PLEKHH2: variants seen among roughly 807,000 people sequenced by gnomAD.
The protein encoded by PLEKHH2 is pleckstrin homology domain-containing family H member 2.
PLEKHH2 carries 129 observed loss-of-function variants against 187.9 expected under a neutral mutation model. That is an observed-to-expected ratio of 0.69 (90% CI 0.59 to 0.79). The LOEUF is 0.79. Ranked by LOEUF, PLEKHH2 falls within the 30% of genes least tolerant of loss-of-function variation. PLEKHH2 has a pLI of 0.00. For synonymous variants in PLEKHH2, 686 were observed against 605.6 expected (o/e 1.13, Z -1.95); for missense variants, 2,076 against 1,751.2 (o/e 1.19, Z -3.31).
At chr2:43,751,541 G>C (rs1263114393) in intron 24 of PLEKHH2, among the ~76,000 whole-genome samples, 3 of 152,206 alleles carry the variant, frequency 2.0e-5, no homozygotes, top group African/African-American at 7.2e-5. Context: ...CAGTATATTT[G>C]CGTAGTGGTA....
intron 19 of PLEKHH2, among the ~76,000 whole-genome samples, chr2:43,732,097 C>G (rs1465218900): frequency 6.6e-6 from 1 of 152,202 alleles, no homozygotes; most frequent in Non-Finnish European, 1.5e-5. Flanking sequence ...GGTGTGGTGG[C>G]TTACTCCTGT....
chr2:43,645,453 T>C (rs1666138886), intron 2 of PLEKHH2, among the ~76,000 whole-genome samples: 2 of 152,174 alleles, frequency 1.3e-5, no homozygotes, highest in African/African-American at 4.8e-5. Flanking sequence ...CCCATATTCC[T>C]ATTTCCAGGG....
intron 2 of PLEKHH2, among the ~76,000 whole-genome samples, chr2:43,667,211 ACT>A (rs976518469): frequency 2.0e-4 from 31 of 151,776 alleles, no homozygotes; most frequent in Non-Finnish European, 4.6e-4. Context: ...TGTTGAAAAG[ACT>A]CTCTCCTCTC....
In PLEKHH2 at chr2:43,699,873, C is replaced by T; in HGVS notation, c.915C>T (p.Thr305=). 1.2e-6 allele frequency: 2 copies of T among 1,614,064 alleles called. No homozygotes were observed. The highest frequency in any genetic ancestry group is 1.7e-6 in the Non-Finnish European group (2 of 1,179,980). Residue 305 remains threonine (T), a synonymous_variant, in exon 8 of 30, where the codon ACC becomes ACT. Coordinates refer to ENST00000282406, the MANE Select transcript of PLEKHH2 (RefSeq NM_172069.4). ...GATCCAAGTCCAGATGCACATCCAC[C>T]CTCTCCAGTCACACATCTGAGGAAG... is the stretch of plus-strand genomic sequence containing the variant. ...KGRSKSRCTS[T]LSSHTSEEGV... is the part of the protein sequence containing the mutation.
chr2:43,710,704 T>G, intron 14 of PLEKHH2, 129 bp downstream of exon 14: 1 of 1,458,190 alleles, frequency 6.9e-7, no homozygotes. Flanking sequence ...GTTAGTTTGA[T>G]GCCTTGGAAG....
intron 2 of PLEKHH2, 64 bp from the exon 3 acceptor site, chr2:43,678,798 CT>C: frequency 3.9e-6 from 5 of 1,290,988 alleles, no homozygotes; most frequent in Non-Finnish European, 5.5e-6. Flanking sequence ...TTTTTAAAGC[CT>C]TTTTCAGAAA....
intron 3 of PLEKHH2, among the ~76,000 whole-genome samples, chr2:43,688,909 G>A (rs1668657185): frequency 6.6e-6 from 1 of 152,146 alleles, no homozygotes; most frequent in African/African-American, 2.4e-5. Flanking sequence ...TTAGAGGTCA[G>A]TCATGTAGGT....
intron 16 of PLEKHH2, among the ~76,000 whole-genome samples, chr2:43,723,464 G>T (rs550447165): frequency 6.6e-6 from 1 of 152,304 alleles, no homozygotes; most frequent in South Asian, 2.1e-4. Flanking sequence ...TAGTTACTTG[G>T]GTGGAGAAGT....
At chr2:43,747,219 T>C (rs4953011) in intron 24 of PLEKHH2, among the ~76,000 whole-genome samples, 34,703 of 151,824 alleles carry the variant, frequency 0.23, 4,217 homozygotes, top group Admixed American at 0.31. Context: ...CAGACCCAGT[T>C]CCTGATCTTT....
Position 43,699,704 on chromosome 2 carries a change from A to G in PLEKHH2, c.746A>G (p.Gln249Arg), listed in dbSNP as rs200623277. The G allele has an allele frequency of 5.0e-6, 8 of 1,614,252 alleles. No individual in the cohort carries two copies. The Admixed American group carries it at 6.7e-5, about 13-fold the overall frequency. Residue 249 changes from glutamine to arginine, a missense_variant, in exon 8 of 30, where the codon CAG (glutamine) becomes CGG (arginine). Transcript: ENST00000282406. ...CAAGTTCTAGAAAACAACAGAGGCC[A>G]GAGAACATTGCATCAAACCCCTTGT... ...DNQVLENNRG[Q>R]RTLHQTPCGS...
chr2:43,710,300 A>T lies in PLEKHH2; in HGVS notation c.2184A>T (p.Lys728Asn), dbSNP rs777964381. The T allele has an allele frequency of 3.1e-6, 5 of 1,614,042 alleles. No homozygotes were observed. The highest frequency in any genetic ancestry group is 2.5e-6 in the Non-Finnish European group (3 of 1,179,924). The change falls in exon 13 of 30, where the codon AAA (lysine) becomes AAT (asparagine). Residue 728 changes from lysine (K) to asparagine (N), a missense_variant. By Grantham distance (94) the Lys-to-Asn change is moderately conservative. Coordinates refer to ENST00000282406, the MANE Select transcript of PLEKHH2 (RefSeq NM_172069.4). ...KSWKRRWFVL[K>N]GGELLYYKSP... ...GGAAGCGGCGGTGGTTTGTTCTTAA[A>T]GGTGGTGAATTACTTTACTACAAAT...
intron 3 of PLEKHH2, among the ~76,000 whole-genome samples, chr2:43,685,551 T>C (rs1008764872): frequency 6.6e-6 from 1 of 151,840 alleles, no homozygotes; most frequent in Non-Finnish European, 1.5e-5. Flanking sequence ...CCTCAGCCTC[T>C]GGAGTAGCTA....
intron 1 of PLEKHH2, among the ~76,000 whole-genome samples, chr2:43,638,639 T>G (rs6544681): frequency 0.64 from 97,661 of 152,080 alleles, 32,418 homozygotes; most frequent in African/African-American, 0.77. Context: ...TCAGAATCTA[T>G]ATGTGGTATT....
At chr2:43,709,668 T>C (rs1669847210) in intron 11 of PLEKHH2, among the ~76,000 whole-genome samples, 2 of 152,144 alleles carry the variant, frequency 1.3e-5, no homozygotes, top group South Asian at 4.1e-4. Context: ...AAACCCCATC[T>C]CTACTAAAGA....
In PLEKHH2 at chr2:43,704,662, T is replaced by TAAAAA. The variant is rs70965318; in HGVS notation, c.1726+626_1726+630dup. ...TGGGTGACAGAGCAAGATTCTGTCT[T>TAAAAA]AAAAAAAAAAAAAAAAAAAAAAAAG... is the stretch of plus-strand genomic sequence containing the variant. On this transcript the variant is annotated intron_variant, in intron 9 of 29. Transcript: ENST00000282406. Among the ~76,000 whole-genome samples, 198 of 84,282 alleles carry TAAAAA rather than the reference T, an allele frequency of 2.3e-3. 7 individuals are homozygous for TAAAAA. Among genetic ancestry groups the TAAAAA allele is most frequent in the Middle Eastern group, 0.015 (2 of 136 alleles). 55.3% of individuals were successfully genotyped at this position (84,282 alleles called of 152,430 possible). A position where few individuals can be genotyped will look rare whatever the true frequency, so the allele number is the denominator to read the frequency against.
rs17031388 is a variant in PLEKHH2, at chr2:43,749,783, G to T, written c.3653+3820G>T. Among the ~76,000 whole-genome samples the T allele has an allele frequency of 8.0e-3, 1,218 of 152,304 alleles. 17 individuals are homozygous for T. The highest frequency in any genetic ancestry group is 0.028 in the African/African-American group (1,150 of 41,560). On this transcript the variant is annotated intron_variant, in intron 24 of 29. Coordinates refer to ENST00000282406, the MANE Select transcript of PLEKHH2 (RefSeq NM_172069.4). ...AGTGATACAGTTAGGAGGGAACCTTGCTGTGACCTGTCACACAGCCAAGGA... is the reference window on the plus strand; with the variant it reads ...AGTGATACAGTTAGGAGGGAACCTTTCTGTGACCTGTCACACAGCCAAGGA...
At chr2:43,752,945 A>G (rs562183487) in intron 24 of PLEKHH2, among the ~76,000 whole-genome samples, 98 of 152,200 alleles carry the variant, frequency 6.4e-4, no homozygotes, top group Non-Finnish European at 1.1e-3. Flanking sequence ...ACACACTTAA[A>G]TCTATAAATA....
chr2:43,759,333 C>T (rs1419114894), intron 27 of PLEKHH2, among the ~76,000 whole-genome samples: 1 of 152,210 alleles, frequency 6.6e-6, no homozygotes, highest in Non-Finnish European at 1.5e-5. Flanking sequence ...TACTCTGTCA[C>T]TCATTTGCTC....
chr2:43,726,492 TA>T, intron 17 of PLEKHH2, 41 bp downstream of exon 17: 1 of 1,480,482 alleles, frequency 6.8e-7, no homozygotes, highest in South Asian at 1.2e-5. Context: ...TGATGTAGAC[TA>T]ATATTATTCA....
Sources: allele counts gnomAD v4.1 joint callset (sites outside exome capture counted in the v4.1 genomes callset), GRCh38; gene constraint gnomAD v4.1.1; transcripts MANE v1.5; gene names NCBI Gene and HGNC (gene_info 2026-07-23, HGNC 2026-07-21).